WWOX: variants seen among roughly 807,000 people sequenced by gnomAD.
WWOX encodes the protein WW domain-containing oxidoreductase.
In WWOX, 69 loss-of-function variants were observed where a neutral mutation model predicts 46.2. That is an observed-to-expected ratio of 1.49 (90% CI 1.23 to 1.82). The LOEUF (loss-of-function observed/expected upper bound fraction) is 1.82. Ranked by LOEUF, WWOX falls within the 40% of genes most tolerant of loss-of-function variation. The pLI is 0.00. For missense variants in WWOX, 919 were observed against 542.6 expected, an observed-to-expected ratio of 1.69 and a Z score of -6.89; for synonymous variants, 359 against 202.6, an observed-to-expected ratio of 1.77 and a Z score of -6.56.
chr16:79,090,835 G>C (rs1394834593), intron 8 of WWOX, among the ~76,000 whole-genome samples: 1 of 152,072 alleles, frequency 6.6e-6, no homozygotes. Context: ...CTTTTTTTGA[G>C]ACATCTGGAG....
chr16:78,915,635 G>T (rs957283027), intron 8 of WWOX, among the ~76,000 whole-genome samples: 1 of 152,062 alleles, frequency 6.6e-6, no homozygotes, highest in Admixed American at 6.5e-5. Flanking sequence ...ATCAGTCATT[G>T]ACTCAGAAGA....
At chr16:78,120,518 T>A (rs370591722) in intron 4 of WWOX, among the ~76,000 whole-genome samples, 1 of 147,468 alleles carries the variant, frequency 6.8e-6, no homozygotes, top group Non-Finnish European at 1.5e-5. Flanking sequence ...TGCAGTGAGC[T>A]GAGATTGCGC....
intron 8 of WWOX, among the ~76,000 whole-genome samples, chr16:78,658,639 A>C (rs1456909989): frequency 1.3e-5 from 2 of 152,234 alleles, no homozygotes; most frequent in East Asian, 1.9e-4. Flanking sequence ...GCAGAACCCC[A>C]GTCTCCGCCT....
chr16:79,151,073 A>G (rs1461639869), intron 8 of WWOX, among the ~76,000 whole-genome samples: 1 of 152,206 alleles, frequency 6.6e-6, no homozygotes, highest in African/African-American at 2.4e-5. Context: ...TGGCACATCT[A>G]TGAAATACGT....
intron 6 of WWOX, among the ~76,000 whole-genome samples, chr16:78,391,552 T>C (rs974005240): frequency 1.3e-5 from 2 of 152,110 alleles, no homozygotes; most frequent in Non-Finnish European, 2.9e-5. Flanking sequence ...TATTGCCGAG[T>C]AAGAAATGAC....
At chr16:78,351,052 T>C (rs139139912) in intron 5 of WWOX, among the ~76,000 whole-genome samples, 1 of 152,380 alleles carries the variant, frequency 6.6e-6, no homozygotes, top group African/African-American at 2.4e-5. Context: ...TGGCTTAGGA[T>C]ATTGAACATC....
At chr16:79,035,304 G>C (rs1327135775) in intron 8 of WWOX, among the ~76,000 whole-genome samples, 1 of 152,116 alleles carries the variant, frequency 6.6e-6, no homozygotes, top group African/African-American at 2.4e-5. Flanking sequence ...TAATCCCTTT[G>C]ATTTCCAATG....
intron 8 of WWOX, among the ~76,000 whole-genome samples, chr16:78,605,004 C>A (rs2045721003): frequency 8.0e-6 from 1 of 125,154 alleles, no homozygotes; most frequent in African/African-American, 3.1e-5. Flanking sequence ...CTCCCTCCTT[C>A]CCTTTTTCCC....
chr16:78,818,691 G>A (rs1246992508), intron 8 of WWOX, among the ~76,000 whole-genome samples: 1 of 152,206 alleles, frequency 6.6e-6, no homozygotes, highest in Non-Finnish European at 1.5e-5. Flanking sequence ...AGATGCCACA[G>A]GACTATAGCC....
chr16:79,001,868 G>T (rs965543317), intron 8 of WWOX, among the ~76,000 whole-genome samples: 1 of 152,116 alleles, frequency 6.6e-6, no homozygotes. Context: ...AAAAGTTACA[G>T]AGCTTGTCTT....
intron 8 of WWOX, among the ~76,000 whole-genome samples, chr16:79,031,138 G>T (rs1184208673): frequency 2.0e-5 from 3 of 151,920 alleles, no homozygotes; most frequent in Non-Finnish European, 4.4e-5. Context: ...AAACACTAGG[G>T]TTGCTTTAAA....
chr16:79,092,620 C>G (rs12920897), intron 8 of WWOX, among the ~76,000 whole-genome samples: 3,965 of 152,214 alleles, frequency 0.026, 69 homozygotes, highest in African/African-American at 0.048. Context: ...ATTCATCTGG[C>G]GAAACCCCTT....
Position 79,071,496 on chromosome 16 carries a change from T to C in WWOX, c.1057-140112T>C, listed in dbSNP as rs182919717. On this transcript the variant is annotated intron_variant, in intron 8 of 8. Coordinates refer to ENST00000566780, the MANE Select transcript of WWOX (RefSeq NM_016373.4). ...AAGTTTCATTTTGTTTTCTCTCTAGTTTGAAAACTGTTTTTATTGCTTCAA... is the reference window on the plus strand; with the variant it reads ...AAGTTTCATTTTGTTTTCTCTCTAGCTTGAAAACTGTTTTTATTGCTTCAA... Among the ~76,000 whole-genome samples, 5 of 152,312 alleles carry C rather than the reference T, an allele frequency of 3.3e-5. No individual in the cohort carries two copies. The East Asian group carries it at 9.7e-4, about 29-fold the overall frequency.
At chr16:78,973,957 G>T (rs913346230) in intron 8 of WWOX, among the ~76,000 whole-genome samples, 1 of 152,100 alleles carries the variant, frequency 6.6e-6, no homozygotes, top group Non-Finnish European at 1.5e-5. Flanking sequence ...CCTATCCTAC[G>T]ATTATTTCAA....
intron 5 of WWOX, among the ~76,000 whole-genome samples, chr16:78,196,853 A>G (rs1009343053): frequency 6.6e-6 from 1 of 152,246 alleles, no homozygotes; most frequent in Non-Finnish European, 1.5e-5. Context: ...GACAAAAGTC[A>G]TGGTAAGATC....
chr16:78,126,447 A>T (rs964566575), intron 4 of WWOX, among the ~76,000 whole-genome samples: 1 of 152,214 alleles, frequency 6.6e-6, no homozygotes, highest in African/African-American at 2.4e-5. Context: ...GATTAGCAAG[A>T]TTGATAGGCT....
chr16:78,829,897 C>T (rs973694103), intron 8 of WWOX, among the ~76,000 whole-genome samples: 1 of 152,158 alleles, frequency 6.6e-6, no homozygotes, highest in Non-Finnish European at 1.5e-5. Flanking sequence ...AACCCCGCCT[C>T]TTCTAAATAC....
At chr16:78,902,096 T>G (rs2044844885) in intron 8 of WWOX, among the ~76,000 whole-genome samples, 2 of 152,250 alleles carry the variant, frequency 1.3e-5, no homozygotes, top group South Asian at 4.1e-4. Context: ...TGGTGCAGAT[T>G]TCAGAGCTGG....
chr16:78,615,654 T>C (rs1388798328), intron 8 of WWOX, among the ~76,000 whole-genome samples: 3 of 151,578 alleles, frequency 2.0e-5, no homozygotes, highest in Non-Finnish European at 4.4e-5. Context: ...AGACCCCATT[T>C]CCAAAAAATA....
Sources: gnomAD v4.1 joint callset for allele counts (sites outside exome capture counted in the v4.1 genomes callset) on GRCh38, gnomAD v4.1.1 for gene constraint, MANE v1.5 for transcripts, NCBI Gene and HGNC (gene_info 2026-07-23, HGNC 2026-07-21) for gene names.